The following ARHGAP42 variants were observed in gnomAD, a reference collection of about 807,000 sequenced individuals.
ARHGAP42 encodes Rho GTPase activating protein 42.
A neutral mutation model predicts 125.0 loss-of-function variants in ARHGAP42; 63 were observed. The ratio of observed to expected loss-of-function variants is 0.50; its 90% CI spans 0.41 to 0.62. The LOEUF (loss-of-function observed/expected upper bound fraction) is 0.62, where lower values mean the gene tolerates loss of function less well. Ranked by LOEUF, ARHGAP42 falls within the 20% of genes least tolerant of loss-of-function variation. The pLI, the probability that ARHGAP42 is intolerant of heterozygous loss-of-function variation, is 0.00. For missense variants in ARHGAP42, 766 were observed against 1,024.2 expected (o/e 0.75, Z 3.44); for synonymous variants, 339 against 351.0 (o/e 0.97, Z 0.38).
intron 1 of ARHGAP42, among the ~76,000 whole-genome samples, chr11:100,706,512 T>G (rs963443870): frequency 2.0e-5 from 3 of 152,136 alleles, no homozygotes; most frequent in African/African-American, 7.2e-5. Context: ...CAGAAAGAGG[T>G]TGATTAGAGT....
chr11:100,933,588 T>G (rs1867645140), intron 7 of ARHGAP42, among the ~76,000 whole-genome samples: 1 of 152,178 alleles, frequency 6.6e-6, no homozygotes, highest in Non-Finnish European at 1.5e-5. Context: ...ATTGAGAGTT[T>G]AGGTCTTAAA....
At chr11:100,712,377 AGAAAAGC>A (rs1193186242) in intron 1 of ARHGAP42, among the ~76,000 whole-genome samples, 2 of 152,250 alleles carry the variant, frequency 1.3e-5, no homozygotes, top group Non-Finnish European at 2.9e-5. Flanking sequence ...TAAATCTAAG[AGAAAAGC>A]GAAGTACAGA....
At chr11:100,779,528 G>GTATATATACGTATATATATGTATACATA (rs1565210609) in intron 2 of ARHGAP42, among the ~76,000 whole-genome samples, 2 of 86,276 alleles carry the variant, frequency 2.3e-5, no homozygotes, top group African/African-American at 7.7e-5. Context: ...ACGTATACAT[G>GTATATATACGTATATATATGTATACATA]CGTATATATA....
chr11:100,764,784 G>A (rs904746600), intron 1 of ARHGAP42, among the ~76,000 whole-genome samples: 1 of 152,098 alleles, frequency 6.6e-6, no homozygotes, highest in African/African-American at 2.4e-5. Context: ...TACAAGGTAG[G>A]GTCTTGGATA....
At chr11:100,926,574 G>A (rs566793987) in intron 6 of ARHGAP42, among the ~76,000 whole-genome samples, 1 of 152,192 alleles carries the variant, frequency 6.6e-6, no homozygotes, top group Non-Finnish European at 1.5e-5. Context: ...GGAATAAGAT[G>A]GAATTTGGCT....
At chr11:100,895,086 T>G (rs1866317203) in intron 4 of ARHGAP42, among the ~76,000 whole-genome samples, 1 of 152,204 alleles carries the variant, frequency 6.6e-6, no homozygotes, top group African/African-American at 2.4e-5. Context: ...GCTGAAATCA[T>G]TTCATCGTGC....
At chr11:100,972,890 C>T (rs1368616742) in intron 17 of ARHGAP42, among the ~76,000 whole-genome samples, 1 of 152,146 alleles carries the variant, frequency 6.6e-6, no homozygotes, top group Non-Finnish European at 1.5e-5. Flanking sequence ...AAATACCAAA[C>T]AGCTGATCAT....
At chr11:100,883,554 G>A (rs919680586) in intron 4 of ARHGAP42, among the ~76,000 whole-genome samples, 31 of 152,042 alleles carry the variant, frequency 2.0e-4, no homozygotes, top group African/African-American at 7.5e-4. Context: ...TTTTGGCCAG[G>A]CTGATCGTGA....
chr11:100,930,363 C>T (rs980820224), intron 6 of ARHGAP42, among the ~76,000 whole-genome samples: 2 of 152,142 alleles, frequency 1.3e-5, no homozygotes, highest in Admixed American at 6.6e-5. Context: ...AAACGTTTAA[C>T]TTTGCTGCCA....
At chr11:100,966,812 G>A (rs1858108124) in intron 17 of ARHGAP42, among the ~76,000 whole-genome samples, 1 of 152,024 alleles carries the variant, frequency 6.6e-6, no homozygotes, top group East Asian at 1.9e-4. Context: ...CTATGGTGCT[G>A]GAAACAAATG....
intron 4 of ARHGAP42, among the ~76,000 whole-genome samples, chr11:100,890,156 G>A (rs1866184548): frequency 6.6e-6 from 1 of 152,162 alleles, no homozygotes; most frequent in Non-Finnish European, 1.5e-5. Flanking sequence ...CTGTGGGCAG[G>A]TTTTCCTTAG....
chr11:100,858,106 T>TGTGTGA (rs1591243330), intron 3 of ARHGAP42, among the ~76,000 whole-genome samples: 1 of 147,266 alleles, frequency 6.8e-6, no homozygotes, highest in East Asian at 2.0e-4. Flanking sequence ...TGTGTGTGTG[T>TGTGTGA]GTGTGTGTGT....
At chr11:100,770,481 T>A in intron 2 of ARHGAP42, 43 bp downstream of exon 2, 2 of 1,339,622 alleles carry the variant, frequency 1.5e-6, no homozygotes, top group South Asian at 2.7e-5. Flanking sequence ...TAATATTTAT[T>A]TTACTGAAAT....
At chr11:100,914,709 G>T (rs993003280) in intron 5 of ARHGAP42, among the ~76,000 whole-genome samples, 6 of 152,054 alleles carry the variant, frequency 3.9e-5, no homozygotes, top group African/African-American at 9.7e-5. Context: ...ACTTATAGTT[G>T]TTGTAGTCCA....
At chr11:100,791,583 T>C (rs2135026775) in intron 2 of ARHGAP42, among the ~76,000 whole-genome samples, 1 of 151,880 alleles carries the variant, frequency 6.6e-6, no homozygotes, top group South Asian at 2.1e-4. Context: ...CAAACATGAG[T>C]GTCTTCATTG....
intron 6 of ARHGAP42, among the ~76,000 whole-genome samples, chr11:100,927,840 G>A (rs547799577): frequency 9.2e-5 from 14 of 152,142 alleles, no homozygotes; most frequent in Non-Finnish European, 1.6e-4. Flanking sequence ...ATCAGTGCAC[G>A]TAATTGTCCA....
intron 1 of ARHGAP42, among the ~76,000 whole-genome samples, chr11:100,761,630 A>G (rs1239766617): frequency 6.6e-6 from 1 of 152,200 alleles, no homozygotes; most frequent in South Asian, 2.1e-4. Context: ...TGCCAGACAC[A>G]TATCATTTAT....
chr11:100,711,433 C>A (rs903234448), intron 1 of ARHGAP42, among the ~76,000 whole-genome samples: 1 of 152,230 alleles, frequency 6.6e-6, no homozygotes, highest in Non-Finnish European at 1.5e-5. Flanking sequence ...TGGCTCACTG[C>A]AGCCTTGCCC....
intron 5 of ARHGAP42, among the ~76,000 whole-genome samples, chr11:100,920,525 C>G (rs1867209377): frequency 2.6e-5 from 4 of 152,084 alleles, no homozygotes; most frequent in African/African-American, 7.2e-5. Flanking sequence ...TCCAGAAAGC[C>G]CCTTCTTTCC....
Sources: allele counts gnomAD v4.1 joint callset (sites outside exome capture counted in the v4.1 genomes callset), GRCh38; gene constraint gnomAD v4.1.1; transcripts MANE v1.5; gene names NCBI Gene and HGNC (gene_info 2026-07-23, HGNC 2026-07-21).